Variants in ASTN2 observed in about 807,000 individuals in gnomAD.
ASTN2 encodes the protein astrotactin-2.
Under a neutral mutation model 139.8 loss-of-function variants are expected in ASTN2, and 54 were observed. The ratio of observed to expected loss-of-function variants is 0.39; its 90% CI spans 0.31 to 0.48. The LOEUF (loss-of-function observed/expected upper bound fraction) is 0.48, where lower values mean the gene tolerates loss of function less well. Ranked by LOEUF, ASTN2 falls within the 20% of genes least tolerant of loss-of-function variation. ASTN2 has a pLI of 0.95. For synonymous variants in ASTN2, 756 were observed against 719.5 expected (o/e 1.05, Z -0.81); for missense variants, 1,565 against 1,725.1 (o/e 0.91, Z 1.64).
At chr9:117,130,528 T>C (rs927288933) in intron 4 of ASTN2, among the ~76,000 whole-genome samples, 3 of 152,178 alleles carry the variant, frequency 2.0e-5, no homozygotes, top group African/African-American at 7.2e-5. Flanking sequence ...TTGCATTTCT[T>C]ACAACTTATA....
At chr9:117,397,223 A>G (rs1830701180) in intron 1 of ASTN2, among the ~76,000 whole-genome samples, 1 of 152,136 alleles carries the variant, frequency 6.6e-6, no homozygotes, top group African/African-American at 2.4e-5. Context: ...CCCCTCAAGC[A>G]TTTATCCTTT....
intron 19 of ASTN2, among the ~76,000 whole-genome samples, chr9:116,492,034 A>C (rs1588110553): frequency 6.6e-6 from 1 of 152,060 alleles, no homozygotes; most frequent in Admixed American, 6.5e-5. Flanking sequence ...ATACTGGAAC[A>C]CAGTAAGAGC....
chr9:116,637,377 T>A (rs982892247), intron 17 of ASTN2, among the ~76,000 whole-genome samples: 21 of 152,356 alleles, frequency 1.4e-4, no homozygotes, highest in Middle Eastern at 3.4e-3. Flanking sequence ...ACATGAACTA[T>A]CTCTTAATTT....
intron 10 of ASTN2, among the ~76,000 whole-genome samples, chr9:116,940,846 T>C (rs1835206211): frequency 6.6e-6 from 1 of 152,274 alleles, no homozygotes; most frequent in East Asian, 1.9e-4. Flanking sequence ...GCTCTACTCA[T>C]GGTAAGTGCC....
chr9:116,677,837 C>T (rs2132009498), intron 16 of ASTN2, among the ~76,000 whole-genome samples: 1 of 152,310 alleles, frequency 6.6e-6, no homozygotes, highest in Admixed American at 6.5e-5. Flanking sequence ...GAAAGGCATG[C>T]TTTCCTGGCC....
intron 6 of ASTN2, among the ~76,000 whole-genome samples, chr9:117,015,640 A>G (rs1393612591): frequency 1.3e-5 from 2 of 152,180 alleles, no homozygotes; most frequent in East Asian, 1.9e-4. Context: ...GATTATTATA[A>G]TACCCATAAA....
intron 2 of ASTN2, among the ~76,000 whole-genome samples, chr9:117,225,838 C>A (rs1378900737): frequency 6.6e-6 from 1 of 151,940 alleles, no homozygotes; most frequent in Non-Finnish European, 1.5e-5. Context: ...AGCCCTTGAC[C>A]TGCATAAAAC....
chr9:117,132,512 C>A (rs1048784457), intron 4 of ASTN2, among the ~76,000 whole-genome samples: 1 of 152,198 alleles, frequency 6.6e-6, no homozygotes, highest in Non-Finnish European at 1.5e-5. Flanking sequence ...GCCTCTCCAT[C>A]CTCCAGGCCA....
chr9:116,632,128 AAGAGAGAG>A (rs145360209), intron 17 of ASTN2, among the ~76,000 whole-genome samples: 40 of 47,746 alleles, frequency 8.4e-4, no homozygotes, highest in African/African-American at 2.4e-3. Context: ...AAAGAAAAAG[AAGAGAGAG>A]AGAGAGAGAG....
chr9:116,501,257 T>C (rs956384110), intron 19 of ASTN2, among the ~76,000 whole-genome samples: 1 of 152,200 alleles, frequency 6.6e-6, no homozygotes, highest in African/African-American at 2.4e-5. Context: ...AGAATGATGA[T>C]TTCCAATTTC....
chr9:116,512,595 A>G (rs1389666398), intron 19 of ASTN2, among the ~76,000 whole-genome samples: 2 of 152,144 alleles, frequency 1.3e-5, no homozygotes, highest in East Asian at 3.9e-4. Flanking sequence ...TAATGTTGAC[A>G]GTGGGGTGTT....
chr9:117,003,530 G>GGTGTGTGTGTGTGTGTGTGTGTGT (rs11271769), intron 7 of ASTN2, among the ~76,000 whole-genome samples: 1,885 of 103,252 alleles, frequency 0.018, 204 homozygotes, highest in African/African-American at 0.047. Flanking sequence ...TCTAAAGAGT[G>GGTGTGTGTGTGTGTGTGTGTGTGT]GTGTGTGTGT....
intron 19 of ASTN2, chr9:116,586,302 A>G (rs1854140813): frequency 6.6e-6 from 1 of 152,228 alleles, no homozygotes; most frequent in African/African-American, 2.4e-5. Flanking sequence ...TATATATCCA[A>G]AAGAAAATAA....
chr9:116,639,472 TAGAA>T (rs1483416201), intron 17 of ASTN2, among the ~76,000 whole-genome samples: 2 of 151,666 alleles, frequency 1.3e-5, no homozygotes, highest in Non-Finnish European at 2.9e-5. Flanking sequence ...TAGGAAGAAA[TAGAA>T]AGAGAGTTGG....
chr9:116,938,277 A>C (rs1367086866), intron 10 of ASTN2, among the ~76,000 whole-genome samples: 1 of 152,168 alleles, frequency 6.6e-6, no homozygotes, highest in Admixed American at 6.5e-5. Context: ...GGATGCTAAT[A>C]CAATCCTTGG....
chr9:116,475,118 T>A (rs1848936768), intron 20 of ASTN2, among the ~76,000 whole-genome samples: 2 of 152,240 alleles, frequency 1.3e-5, no homozygotes, highest in Middle Eastern at 3.4e-3. Context: ...CCTACAAAAT[T>A]GGTTTATTTG....
chr9:116,460,883 C>T (rs16933562), intron 20 of ASTN2, among the ~76,000 whole-genome samples: 361 of 152,164 alleles, frequency 2.4e-3, no homozygotes, highest in African/African-American at 8.1e-3. Context: ...TGCCCTTAGC[C>T]CATTTCTTAA....
At chr9:117,268,399 G>A (rs890401612) in intron 2 of ASTN2, among the ~76,000 whole-genome samples, 1 of 152,196 alleles carries the variant, frequency 6.6e-6, no homozygotes, top group Non-Finnish European at 1.5e-5. Context: ...GGGAGCAGTT[G>A]TAAATTATTG....
intron 2 of ASTN2, among the ~76,000 whole-genome samples, chr9:117,285,534 T>A (rs1834428134): frequency 6.6e-6 from 1 of 152,198 alleles, no homozygotes; most frequent in African/African-American, 2.4e-5. Context: ...TAGTAATAAT[T>A]TCTTAGATTT....
Sources: gnomAD v4.1 joint callset for allele counts (sites outside exome capture counted in the v4.1 genomes callset) on GRCh38, gnomAD v4.1.1 for gene constraint, MANE v1.5 for transcripts, NCBI Gene and HGNC (gene_info 2026-07-23, HGNC 2026-07-21) for gene names.